Variants in RBMS1 observed in about 807,000 individuals in gnomAD.
The protein encoded by RBMS1 is RNA binding motif single stranded interacting protein 1, also known as RNA-binding motif, single-stranded-interacting protein 1.
In RBMS1, 17 loss-of-function variants were observed where a neutral mutation model predicts 62.3. The observed-to-expected ratio is 0.27, with a 90% CI of 0.19 to 0.41. The LOEUF is 0.41. Ranked by LOEUF, RBMS1 falls within the 10% of genes least tolerant of loss-of-function variation. The pLI, the probability that RBMS1 is intolerant of heterozygous loss-of-function variation, is 1.00. For missense variants in RBMS1, 334 were observed against 504.5 expected (o/e 0.66, Z 3.24); for synonymous variants, 172 against 170.0 (o/e 1.01, Z -0.09).
At chr2:160,475,699 G>C (rs1051742239) in intron 1 of RBMS1, among the ~76,000 whole-genome samples, 1 of 152,138 alleles carries the variant, frequency 6.6e-6, no homozygotes, top group Non-Finnish European at 1.5e-5. Context: ...GTCAGACACA[G>C]TTTTAGGTCC....
At chr2:160,275,441 G>A in intron 13 of RBMS1, 189 bp downstream of exon 13, 1 of 1,121,728 alleles carries the variant, frequency 8.9e-7, no homozygotes, top group East Asian at 3.1e-5. Context: ...ATTCTCTTTA[G>A]ACAAAATGAT....
At chr2:160,275,848 G>A in intron 12 of RBMS1, 134 bp from the exon 13 acceptor site, 1 of 1,275,364 alleles carries the variant, frequency 7.8e-7, no homozygotes, top group Admixed American at 2.4e-5. Context: ...GTCATGTAGA[G>A]CTTTCAAGGT....
chr2:160,446,744 A>AC (rs1342223208), intron 1 of RBMS1, among the ~76,000 whole-genome samples: 4 of 152,056 alleles, frequency 2.6e-5, no homozygotes, highest in Non-Finnish European at 5.9e-5. Flanking sequence ...TTGTTTGTCC[A>AC]CCCCATTTTA....
chr2:160,430,356 A>G (rs767343889), intron 1 of RBMS1, among the ~76,000 whole-genome samples: 29 of 152,208 alleles, frequency 1.9e-4, no homozygotes, highest in Non-Finnish European at 3.5e-4. Flanking sequence ...CATGGTCTAT[A>G]TTTTTTAAAA....
intron 2 of RBMS1, among the ~76,000 whole-genome samples, chr2:160,346,818 A>G (rs528118977): frequency 3.3e-5 from 5 of 152,276 alleles, no homozygotes; most frequent in African/African-American, 9.6e-5. Flanking sequence ...GTTATGAACA[A>G]AATTTCTTAA....
At chr2:160,351,820 C>T (rs1457551419) in intron 2 of RBMS1, among the ~76,000 whole-genome samples, 1 of 151,980 alleles carries the variant, frequency 6.6e-6, no homozygotes, top group Non-Finnish European at 1.5e-5. Context: ...GCTATACAAA[C>T]TGAAAAAAGA....
chr2:160,398,108 T>C (rs1359457355), intron 1 of RBMS1, among the ~76,000 whole-genome samples: 2 of 152,204 alleles, frequency 1.3e-5, no homozygotes, highest in Non-Finnish European at 2.9e-5. Context: ...CTGCCTGGGA[T>C]GGCAAGTGGG....
intron 1 of RBMS1, among the ~76,000 whole-genome samples, chr2:160,423,573 C>T (rs112672266): frequency 1.1e-3 from 165 of 152,314 alleles, no homozygotes; most frequent in African/African-American, 3.8e-3. Context: ...CAGCACCAGC[C>T]ACTCATCTTC....
intron 1 of RBMS1, among the ~76,000 whole-genome samples, chr2:160,473,149 T>C (rs977584300): frequency 1.3e-5 from 2 of 152,354 alleles, no homozygotes; most frequent in South Asian, 4.1e-4. Context: ...TTGCCTTGAT[T>C]AGTGCAGATT....
intron 1 of RBMS1, among the ~76,000 whole-genome samples, chr2:160,421,110 A>T (rs1696404222): frequency 6.6e-6 from 1 of 151,492 alleles, no homozygotes; most frequent in Non-Finnish European, 1.5e-5. Flanking sequence ...ACAGCAGGAC[A>T]GCTCTTGAGA....
chr2:160,352,510 T>G (rs1043470972), intron 2 of RBMS1, among the ~76,000 whole-genome samples: 1 of 152,126 alleles, frequency 6.6e-6, no homozygotes, highest in South Asian at 2.1e-4. Context: ...GGCAAATATA[T>G]AGCACAACAA....
intron 1 of RBMS1, among the ~76,000 whole-genome samples, chr2:160,389,098 C>T (rs1057263815): frequency 2.6e-5 from 4 of 152,200 alleles, no homozygotes; most frequent in South Asian, 2.1e-4. Context: ...CACCTCTAGG[C>T]GCATCCCTGA....
Position 160,392,116 on chromosome 2 carries a change from C to A in RBMS1, c.76-24725G>T, listed in dbSNP as rs1694896423. On this transcript the variant is annotated intron_variant, in intron 1 of 13. Transcript: ENST00000348849. ...AAACCTTTTAACCAAACCTATGAAT[C>A]AGACCTACCTTCACTTGGTTTTATT... is the stretch of plus-strand genomic sequence containing the variant. Among the ~76,000 whole-genome samples, 3 of 152,168 alleles carry A rather than the reference C, an allele frequency of 2.0e-5. No homozygotes were observed. In the South Asian group the frequency reaches 6.2e-4, roughly 31 times the overall value.
At chr2:160,355,927 A>G (rs1209492663) in intron 2 of RBMS1, among the ~76,000 whole-genome samples, 1 of 152,032 alleles carries the variant, frequency 6.6e-6, no homozygotes, top group Non-Finnish European at 1.5e-5. Context: ...TGTCTAATAA[A>G]TATTTGTTAA....
At chr2:160,293,130 T>C (rs1466515505) in intron 6 of RBMS1, among the ~76,000 whole-genome samples, 1 of 152,200 alleles carries the variant, frequency 6.6e-6, no homozygotes, top group Non-Finnish European at 1.5e-5. Flanking sequence ...TCTTTTGTCC[T>C]AGAGCTACCA....
At chr2:160,300,085 GA>G (rs1396560298) in intron 6 of RBMS1, among the ~76,000 whole-genome samples, 1 of 152,196 alleles carries the variant, frequency 6.6e-6, no homozygotes, top group Admixed American at 6.5e-5. Flanking sequence ...GACTTAGTAG[GA>G]AAGAGAAACA....
Position 160,277,315 on chromosome 2 carries a change from C to A in RBMS1, c.1131G>T (p.Ala377=). The A allele has an allele frequency of 6.2e-7, 1 of 1,611,614 alleles. No homozygotes were observed. Among genetic ancestry groups the A allele is most frequent in the Non-Finnish European group, 8.5e-7 (1 of 1,177,884 alleles). Residue 377 remains alanine (A), a synonymous_variant, in exon 12 of 14, where the codon GCG becomes GCT. Transcript: ENST00000348849. The part of the protein sequence containing the change: ...LPQYAHMQTT[A]VPVEEASGQQ... The stretch of plus-strand genomic sequence containing the variant: ...GGTCTCTACCAACCTCAACAGGAAC[C>A]GCTGTCGTCTGCATATGTGCATACT...
At chr2:160,280,806 C>T (rs1688067100) in intron 10 of RBMS1, among the ~76,000 whole-genome samples, 2 of 152,108 alleles carry the variant, frequency 1.3e-5, no homozygotes, top group South Asian at 2.1e-4. Flanking sequence ...ATAAGTATAA[C>T]TCATTCAATT....
chr2:160,451,621 ATTT>A (rs1248159955), intron 1 of RBMS1, among the ~76,000 whole-genome samples: 2 of 151,876 alleles, frequency 1.3e-5, no homozygotes, highest in African/African-American at 4.8e-5. Context: ...TATTATTATT[ATTT>A]TTTTGACAGA....
Sources: gnomAD v4.1 joint callset for allele counts (sites outside exome capture counted in the v4.1 genomes callset) on GRCh38, gnomAD v4.1.1 for gene constraint, MANE v1.5 for transcripts, NCBI Gene and HGNC (gene_info 2026-07-23, HGNC 2026-07-21) for gene names.